Variants in DYNC2H1 observed in about 807,000 individuals in gnomAD.
The protein encoded by DYNC2H1 is dynein cytoplasmic 2 heavy chain 1, also known as cytoplasmic dynein 2 heavy chain 1.
Under a neutral mutation model 570.0 loss-of-function variants are expected in DYNC2H1, and 410 were observed. The ratio of observed to expected loss-of-function variants is 0.72; its 90% CI spans 0.66 to 0.78. The LOEUF (loss-of-function observed/expected upper bound fraction) is 0.78. Ranked by LOEUF, DYNC2H1 falls within the 30% of genes least tolerant of loss-of-function variation. DYNC2H1 has a pLI of 0.00. For synonymous variants in DYNC2H1, 1,688 were observed against 1,677.6 expected, an observed-to-expected ratio of 1.01 and a Z score of -0.15; for missense variants, 4,865 against 5,046.4, an observed-to-expected ratio of 0.96 and a Z score of 1.09.
At chr11:103,265,653 T>C (rs1363431957) in intron 70 of DYNC2H1, among the ~76,000 whole-genome samples, 3 of 152,216 alleles carry the variant, frequency 2.0e-5, no homozygotes, top group Non-Finnish European at 4.4e-5. Flanking sequence ...TTATCCATAT[T>C]ATGAATTCTA....
Position 103,299,440 on chromosome 11 carries a change from G to A in DYNC2H1, c.11096-3653G>A, listed in dbSNP as rs1384716961. Among the ~76,000 whole-genome samples, 2 of 152,046 alleles carry A rather than the reference G, an allele frequency of 1.3e-5. No individual in the cohort carries two copies. The highest frequency in any genetic ancestry group is 1.3e-4 in the Admixed American group (2 of 15,240). On this transcript the variant is annotated intron_variant, in intron 75 of 88. Coordinates refer to ENST00000375735, the MANE Select transcript of DYNC2H1 (RefSeq NM_001377.3). This position sits in a 1 kb window ranked among gnomAD's most constrained non-coding sequence, Gnocchi z 4.5. ...CTTTGCTCCAAGTTTTGGAAGCCCT[G>A]GGGAAAATCCACTTCCAAACCCATT...
intron 83 of DYNC2H1, among the ~76,000 whole-genome samples, chr11:103,375,861 A>T (rs890048032): frequency 6.6e-6 from 1 of 151,978 alleles, no homozygotes; most frequent in Non-Finnish European, 1.5e-5. Context: ...ACTTTGGGGG[A>T]CTGTTGAGAA....
chr11:103,476,750 C>T (rs1413800831), intron 88 of DYNC2H1, among the ~76,000 whole-genome samples: 5 of 151,522 alleles, frequency 3.3e-5, no homozygotes, highest in East Asian at 1.9e-4. Flanking sequence ...TGTGTGTGGG[C>T]GGCGGAGGGA....
chr11:103,256,297 T>C lies in DYNC2H1; in HGVS notation c.10461+57T>C. Reference sequence around the variant, plus strand: ...ATGTTTTCTTGAACATTTAGGTTAATATGATAGAAAATGTAGAATCAGGTC... The same window carrying C: ...ATGTTTTCTTGAACATTTAGGTTAACATGATAGAAAATGTAGAATCAGGTC... On this transcript the variant is annotated intron_variant, in intron 68 of 88. Transcript: ENST00000375735. The surrounding 1 kb of genome is among the most constrained non-coding windows in gnomAD (Gnocchi z 4.0). 6.7e-7 allele frequency: 1 copy of C among 1,496,342 alleles called. No homozygotes were observed. Among genetic ancestry groups the C allele is most frequent in the Non-Finnish European group, 9.0e-7 (1 of 1,111,490 alleles). 92.7% of individuals were successfully genotyped at this position (1,496,342 alleles called of 1,614,324 possible).
rs535612279 is a variant in DYNC2H1, at chr11:103,149,659, A to G, written c.2946+1042A>G. Among the ~76,000 whole-genome samples the G allele has an allele frequency of 5.9e-5, 9 of 152,304 alleles. No individual in the cohort carries two copies. The South Asian group carries it at 1.9e-3, about 32-fold the overall frequency. ...GGTTATGAGCTGTGGCAGTTAGCAG[A>G]GACATTTGACTGATATGTATGGATC... On this transcript the variant is annotated intron_variant, in intron 20 of 88. Transcript: ENST00000375735.
chr11:103,316,635 A>C lies in DYNC2H1; in HGVS notation c.11725+15A>C. ...ACTTTTTGATGGTAAGTTCTAACAA[A>C]AATTTTAATCTCATATTAATAAAAT... is the stretch of plus-strand genomic sequence containing the variant. On this transcript the variant is annotated intron_variant, in intron 80 of 88. Transcript: ENST00000375735. 1 of 1,484,896 alleles carries C rather than the reference A, an allele frequency of 6.7e-7. No individual in the cohort carries two copies. Among genetic ancestry groups the C allele is most frequent in the Non-Finnish European group, 9.0e-7 (1 of 1,116,386 alleles). The allele number at this position is 1,484,896 out of a possible 1,614,324, so 92.0% of individuals were successfully genotyped here.
intron 63 of DYNC2H1, among the ~76,000 whole-genome samples, chr11:103,242,389 G>T (rs1469474203): frequency 6.6e-6 from 1 of 152,008 alleles, no homozygotes; most frequent in South Asian, 2.1e-4. Context: ...TTATTATACT[G>T]TACTCACCTA....
intron 84 of DYNC2H1, chr11:103,403,698 C>T (rs186212146): frequency 2.0e-5 from 3 of 152,128 alleles, no homozygotes; most frequent in Admixed American, 2.0e-4. Flanking sequence ...GAGTGTAGGA[C>T]GTCTTCGGAT....
At chr11:103,346,789 T>C (rs1389379470) in intron 82 of DYNC2H1, among the ~76,000 whole-genome samples, 2 of 152,210 alleles carry the variant, frequency 1.3e-5, no homozygotes, top group Admixed American at 1.3e-4. Flanking sequence ...CTCTTCCTTA[T>C]TGAATAATTC....
intron 22 of DYNC2H1, 89 bp from the exon 23 acceptor site, chr11:103,154,362 C>T: frequency 1.7e-6 from 2 of 1,156,258 alleles, no homozygotes; most frequent in Non-Finnish European, 2.4e-6. Context: ...TACACACATA[C>T]AAGGATTGCA....
chr11:103,135,430 T>C, intron 15 of DYNC2H1, 65 bp from the exon 16 acceptor site: 1 of 1,344,694 alleles, frequency 7.4e-7, no homozygotes, highest in Non-Finnish European at 9.7e-7. Context: ...GACATGAAAG[T>C]ATTAAATGAA....
At chr11:103,436,734 A>G (rs970277716) in intron 85 of DYNC2H1, among the ~76,000 whole-genome samples, 1 of 152,032 alleles carries the variant, frequency 6.6e-6, no homozygotes, top group Non-Finnish European at 1.5e-5. Context: ...CTAAGCATAC[A>G]TGTTATTCTT....
chr11:103,217,522 A>C (rs918532632), intron 55 of DYNC2H1, among the ~76,000 whole-genome samples: 2 of 152,178 alleles, frequency 1.3e-5, no homozygotes, highest in African/African-American at 4.8e-5. Flanking sequence ...GGATATTTAG[A>C]TATCCAGGTA....
At position 103,324,427 on chromosome 11, in the gene DYNC2H1, G is replaced by A. The variant is rs2135445945; in HGVS notation, c.12039+437G>A. ...CCTATAAGTGAGAACGTGGTATTTG[G>A]TTATCTGTTCCTGTGTTAGTTTGCT... On this transcript the variant is annotated intron_variant, in intron 82 of 88. Transcript: ENST00000375735. This position sits in a 1 kb window ranked among gnomAD's most constrained non-coding sequence, Gnocchi z 5.2. Among the ~76,000 whole-genome samples the A allele has an allele frequency of 6.6e-6, 1 of 152,218 alleles. No homozygotes were observed. The highest frequency in any genetic ancestry group is 1.5e-5 in the Non-Finnish European group (1 of 67,998).
chr11:103,277,483 T>G lies in DYNC2H1; in HGVS notation c.10696-2865T>G, dbSNP rs548398274. ...TAGTCCCTTCTTACATTCTTGAGTA[T>G]TTAATGATACTTGTATTAGAGTCTC... On this transcript the variant is annotated intron_variant, in intron 70 of 88. Coordinates refer to ENST00000375735, the MANE Select transcript of DYNC2H1 (RefSeq NM_001377.3). This position sits in a 1 kb window ranked among gnomAD's most constrained non-coding sequence, Gnocchi z 4.3. Among the ~76,000 whole-genome samples, 8 of 152,188 alleles carry G rather than the reference T, an allele frequency of 5.3e-5. No homozygotes were observed. The highest frequency in any genetic ancestry group is 1.0e-4 in the Non-Finnish European group (7 of 68,014).
intron 61 of DYNC2H1, among the ~76,000 whole-genome samples, chr11:103,234,974 T>G (rs1430869328): frequency 6.6e-6 from 1 of 150,994 alleles, no homozygotes; most frequent in South Asian, 2.1e-4. Flanking sequence ...TTGCAAATAT[T>G]CTTTATATTT....
At chr11:103,420,323 AC>A (rs1184346636) in intron 84 of DYNC2H1, among the ~76,000 whole-genome samples, 4 of 152,180 alleles carry the variant, frequency 2.6e-5, no homozygotes, top group African/African-American at 9.6e-5. Flanking sequence ...AAGAAGATCA[AC>A]CCCAAGATGC....
chr11:103,470,435 A>T (rs1591805541), intron 88 of DYNC2H1, among the ~76,000 whole-genome samples: 1 of 152,224 alleles, frequency 6.6e-6, no homozygotes, highest in Admixed American at 6.5e-5. Context: ...TCTTTTTATT[A>T]TTATTCTTTA....
At position 103,135,514 on chromosome 11, in the gene DYNC2H1, T is replaced by G. The variant is rs774610143; in HGVS notation, c.2225T>G (p.Met742Arg). ...TATTAGGGATTCCAAGCAAGTGACA[T>G]GCATGCATGGAAACAACACTGGAAT... ...VEAQGFQASD[M>R]HAWKQHWNHQ... Residue 742 changes from methionine (M) to arginine (R), a missense_variant, in exon 16 of 89, where the codon ATG becomes AGG. This residue lies in a region of DYNC2H1 where 1,936 missense variants were observed against 1,962.1 expected (regional missense o/e 0.99). Coordinates refer to ENST00000375735, the MANE Select transcript of DYNC2H1 (RefSeq NM_001377.3). The G allele has an allele frequency of 6.4e-7, 1 of 1,573,662 alleles. No homozygotes were observed. Among genetic ancestry groups the G allele is most frequent in the Admixed American group, 1.9e-5 (1 of 53,318 alleles).
Sources: gnomAD v4.1 joint callset for allele counts (sites outside exome capture counted in the v4.1 genomes callset) on GRCh38, gnomAD v4.1.1 for gene constraint, gnomAD v4.1.1 regional missense constraint, Gnocchi (gnomAD v3.1) non-coding constraint, MANE v1.5 for transcripts, NCBI Gene and HGNC (gene_info 2026-07-23, HGNC 2026-07-21) for gene names.